Variants in PARVB observed in about 807,000 individuals in gnomAD.
The protein encoded by PARVB is parvin beta.
Under a neutral mutation model 47.0 loss-of-function variants are expected in PARVB, and 46 were observed. The ratio of observed to expected loss-of-function variants is 0.98; its 90% CI spans 0.77 to 1.25. The LOEUF is 1.25. Among genes scored for constraint, PARVB ranks in the 50% most tolerant of loss-of-function variants. The probability of loss-of-function intolerance (pLI) is 0.00; values close to 1 mark genes in which losing one functional copy is unlikely to be tolerated. For synonymous variants in PARVB, 196 were observed against 196.3 expected, an observed-to-expected ratio of 1.00 and a Z score of 0.01; for missense variants, 473 against 471.6, an observed-to-expected ratio of 1.00 and a Z score of -0.03.
At chr22:44,139,881 G>A (rs1007522984) in intron 7 of PARVB, 13 of 551,844 alleles carry the variant, frequency 2.4e-5, no homozygotes, top group Non-Finnish European at 4.2e-5. Flanking sequence ...TGTGCAAATA[G>A]AGATGGTGAT....
intron 4 of PARVB, among the ~76,000 whole-genome samples, chr22:44,127,145 T>C (rs752193406): frequency 6.6e-5 from 10 of 152,212 alleles, no homozygotes; most frequent in Admixed American, 1.3e-4. Context: ...GCAGCCTTTT[T>C]CTTGTGGAGT....
intron 8 of PARVB, 22 bp downstream of exon 8, chr22:44,140,165 G>C (rs184584708): frequency 1.9e-6 from 3 of 1,613,728 alleles, no homozygotes; most frequent in Admixed American, 3.3e-5. Flanking sequence ...CAGGGAAAGT[G>C]GGGAGATGGA....
At chr22:44,168,376 C>A in intron 12 of PARVB, 1 of 516,246 alleles carries the variant, frequency 1.9e-6, no homozygotes, top group Admixed American at 3.3e-5. Context: ...CCCCAGGTGC[C>A]TGTCCCCGCA....
chr22:44,030,688 T>C (rs2050810305), intron 1 of PARVB, among the ~76,000 whole-genome samples: 1 of 152,028 alleles, frequency 6.6e-6, no homozygotes, highest in Non-Finnish European at 1.5e-5. Context: ...TTCCACGCTG[T>C]TTTCTAGCGG....
chr22:44,035,642 A>G (rs937431136), intron 1 of PARVB, among the ~76,000 whole-genome samples: 3 of 151,874 alleles, frequency 2.0e-5, no homozygotes, highest in Non-Finnish European at 4.4e-5. Flanking sequence ...AAGTGCTGGG[A>G]TTACGGGTGT....
At chr22:44,148,006 G>A in intron 9 of PARVB, 84 bp downstream of exon 9, 1 of 1,058,658 alleles carries the variant, frequency 9.4e-7, no homozygotes, top group Non-Finnish European at 1.5e-6. Context: ...GGAAGAAGGT[G>A]GGAAAATGTT....
At chr22:44,007,702 C>T (rs2050480437) in intron 2 of PARVB, among the ~76,000 whole-genome samples, 1 of 152,052 alleles carries the variant, frequency 6.6e-6, no homozygotes, top group Non-Finnish European at 1.5e-5. Flanking sequence ...TAAAATGTAC[C>T]ATTTGAGGTC....
At chr22:44,011,344 G>A (rs943473841) in intron 2 of PARVB, among the ~76,000 whole-genome samples, 3 of 152,034 alleles carry the variant, frequency 2.0e-5, no homozygotes, top group Non-Finnish European at 4.4e-5. Flanking sequence ...CAGGCACGGC[G>A]GCTCACGCCT....
chr22:44,053,598 A>G (rs2051251805), intron 1 of PARVB, among the ~76,000 whole-genome samples: 2 of 152,192 alleles, frequency 1.3e-5, no homozygotes, highest in South Asian at 4.1e-4. Flanking sequence ...GGCGGATACC[A>G]GCTGGATGTC....
chr22:44,035,995 C>T (rs375662838), intron 1 of PARVB, among the ~76,000 whole-genome samples: 4 of 152,136 alleles, frequency 2.6e-5, no homozygotes, highest in Admixed American at 6.5e-5. Context: ...CAGTGGCTCA[C>T]GCCTGTAATC....
rs557041905 is a variant in PARVB at position 44,100,076 on chromosome 22, A to G, written c.226A>G (p.Ile76Val). ...QLEENEERTMIDPTSKEDPKF... is the reference protein window; with the variant it reads ...QLEENEERTMVDPTSKEDPKF... ...AGAGGAGAACGAGGAGCGCACGATG[A>G]TTGACCCCACTTCCAAGGAAGACCC... Residue 76 changes from isoleucine to valine, a missense_variant, in exon 3 of 13, where the codon ATT becomes GTT. Transcript: ENST00000338758. 1.9e-6 allele frequency: 3 copies of G among 1,614,116 alleles called. No individual in the cohort carries two copies. The highest frequency in any genetic ancestry group is 4.5e-5 in the East Asian group (2 of 44,876).
intron 1 of PARVB, among the ~76,000 whole-genome samples, chr22:44,088,176 T>C (rs568814921): frequency 3.2e-4 from 48 of 152,290 alleles, no homozygotes; most frequent in African/African-American, 9.1e-4. Flanking sequence ...GTTGTGCTGC[T>C]CCTTGAATAT....
intron 1 of PARVB, among the ~76,000 whole-genome samples, chr22:44,088,276 A>C (rs1174694790): frequency 6.6e-6 from 1 of 152,136 alleles, no homozygotes; most frequent in Non-Finnish European, 1.5e-5. Context: ...GTGTGGCTTC[A>C]GCTGGGGAGA....
At chr22:44,034,706 CTTTTTTT>C (rs34429203) in intron 1 of PARVB, among the ~76,000 whole-genome samples, 2 of 107,580 alleles carry the variant, frequency 1.9e-5, no homozygotes, top group South Asian at 3.2e-4. Context: ...CCACGTGTAA[CTTTTTTT>C]TTTTTTTTTT....
intron 11 of PARVB, chr22:44,162,639 G>C (rs1014718412): frequency 6.6e-6 from 1 of 152,424 alleles, no homozygotes; most frequent in African/African-American, 2.4e-5. Flanking sequence ...TGATTACTAA[G>C]AGCCCTGAAG....
intron 1 of PARVB, among the ~76,000 whole-genome samples, chr22:44,029,047 G>A (rs953897430): frequency 1.3e-5 from 2 of 152,090 alleles, no homozygotes; most frequent in Non-Finnish European, 2.9e-5. Context: ...GCAGTGGCAC[G>A]ATCCTGGCTC....
intron 4 of PARVB, among the ~76,000 whole-genome samples, chr22:44,127,707 G>A (rs1264373929): frequency 8.0e-6 from 1 of 125,180 alleles, no homozygotes. Flanking sequence ...GTGAGAGGAG[G>A]AAAGAGAACA....
At chr22:44,117,298 G>A (rs2052930234) in intron 3 of PARVB, among the ~76,000 whole-genome samples, 1 of 152,054 alleles carries the variant, frequency 6.6e-6, no homozygotes, top group Admixed American at 6.5e-5. Context: ...GTAAGGGTCA[G>A]GGGAGTCAGG....
chr22:44,084,448 G>C (rs1346571154), intron 1 of PARVB, among the ~76,000 whole-genome samples: 1 of 152,238 alleles, frequency 6.6e-6, no homozygotes, highest in East Asian at 1.9e-4. Flanking sequence ...GGGCTGGGGT[G>C]GGAAGAGTTT....
Sources: gnomAD v4.1 joint callset for allele counts (sites outside exome capture counted in the v4.1 genomes callset) on GRCh38, gnomAD v4.1.1 for gene constraint, MANE v1.5 for transcripts, NCBI Gene and HGNC (gene_info 2026-07-23, HGNC 2026-07-21) for gene names.